Variants in KIF5C observed in about 807,000 individuals in gnomAD.
KIF5C encodes the protein kinesin heavy chain isoform 5C.
KIF5C carries 18 observed loss-of-function variants against 125.2 expected under a neutral mutation model. That is an observed-to-expected ratio of 0.14 (90% CI 0.10 to 0.21). The LOEUF (loss-of-function observed/expected upper bound fraction) is 0.21, where lower values mean the gene tolerates loss of function less well. Ranked by LOEUF, KIF5C falls within the 10% of genes least tolerant of loss-of-function variation. KIF5C has a pLI of 1.00. For synonymous variants in KIF5C, 405 were observed against 434.0 expected (o/e 0.93, Z 0.83); for missense variants, 780 against 1,183.8 (o/e 0.66, Z 5.01).
chr2:148,979,298 T>C (rs1372960654), intron 13 of KIF5C, among the ~76,000 whole-genome samples: 1 of 152,164 alleles, frequency 6.6e-6, no homozygotes, highest in Admixed American at 6.5e-5. Context: ...TATTTTTATT[T>C]TTTTGAGACA....
chr2:148,974,955 T>C (rs1217362160), intron 12 of KIF5C, among the ~76,000 whole-genome samples: 2 of 152,202 alleles, frequency 1.3e-5, no homozygotes, highest in Non-Finnish European at 2.9e-5. Flanking sequence ...AAATCAGACA[T>C]ACGAAATGTA....
chr2:148,908,740 C>T (rs548074953), intron 1 of KIF5C, among the ~76,000 whole-genome samples: 1 of 152,310 alleles, frequency 6.6e-6, no homozygotes, highest in East Asian at 1.9e-4. Context: ...TAGAATCAGT[C>T]ATAACTGTTT....
intron 25 of KIF5C, among the ~76,000 whole-genome samples, chr2:149,021,189 A>G (rs918356494): frequency 1.4e-4 from 21 of 152,198 alleles, no homozygotes; most frequent in African/African-American, 4.8e-4. Flanking sequence ...CAGCCTCCCA[A>G]GTAGCTGGGA....
At chr2:148,952,021 C>T (rs1346173521) in intron 10 of KIF5C, among the ~76,000 whole-genome samples, 1 of 152,132 alleles carries the variant, frequency 6.6e-6, no homozygotes, top group East Asian at 1.9e-4. Context: ...ATCTTTTAAA[C>T]TGGATTTGGG....
At chr2:148,952,773 C>T (rs150037471) in intron 10 of KIF5C, among the ~76,000 whole-genome samples, 12 of 152,226 alleles carry the variant, frequency 7.9e-5, no homozygotes, top group African/African-American at 2.9e-4. Context: ...TCAGTTTTTA[C>T]CTAGCACAAG....
At chr2:149,007,120 G>C (rs565656923) in intron 22 of KIF5C, among the ~76,000 whole-genome samples, 3 of 152,170 alleles carry the variant, frequency 2.0e-5, no homozygotes. Context: ...CTAGGGATGG[G>C]GCGTGGCAAT....
chr2:148,969,470 T>TGTGTGTGTGTGTGTGTG (rs1680843048), intron 11 of KIF5C, among the ~76,000 whole-genome samples: 1 of 150,750 alleles, frequency 6.6e-6, no homozygotes, highest in African/African-American at 2.4e-5. Flanking sequence ...TGTATGTGTG[T>TGTGTGTGTGTGTGTGTG]GGGGAGGCCT....
chr2:148,998,464 G>A lies in KIF5C; in HGVS notation c.2165G>A (p.Arg722Gln). The change falls in exon 19 of 26, where the codon CGA (arginine) becomes CAA (glutamine). Residue 722 changes from arginine (R) to glutamine (Q), a missense_variant. Arg to Gln is a conservative substitution (Grantham distance 43). This residue lies in a region of KIF5C where 573 missense variants were observed against 742.6 expected (regional missense o/e 0.77). Transcript: ENST00000435030. ...EAHQKQLSRLRDEIEEKQKII... is the reference protein window; with the variant it reads ...EAHQKQLSRLQDEIEEKQKII... ...CACCAGAAGCAGCTGTCCAGACTCCGAGACGAAATTGAGGAGAAGCAGAAA... is the reference window on the plus strand; with the variant it reads ...CACCAGAAGCAGCTGTCCAGACTCCAAGACGAAATTGAGGAGAAGCAGAAA... The A allele has an allele frequency of 2.6e-6, 4 of 1,564,808 alleles. No homozygotes were observed. Among genetic ancestry groups the A allele is most frequent in the Admixed American group, 1.9e-5 (1 of 52,248 alleles).
At chr2:148,911,405 A>G (rs896180195) in intron 1 of KIF5C, among the ~76,000 whole-genome samples, 2 of 152,172 alleles carry the variant, frequency 1.3e-5, no homozygotes, top group African/African-American at 4.8e-5. Context: ...CTGGTGCACA[A>G]TTCTACCCTT....
At chr2:148,974,128 G>A (rs1361980400) in intron 12 of KIF5C, among the ~76,000 whole-genome samples, 1 of 152,228 alleles carries the variant, frequency 6.6e-6, no homozygotes, top group Non-Finnish European at 1.5e-5. Context: ...TGGCATAGAG[G>A]AAAAGAGGCC....
At chr2:149,012,600 G>A (rs531996220) in intron 25 of KIF5C, among the ~76,000 whole-genome samples, 31 of 152,322 alleles carry the variant, frequency 2.0e-4, no homozygotes, top group African/African-American at 4.1e-4. Context: ...TCCCGGCATC[G>A]CCCAGGCATA....
intron 7 of KIF5C, among the ~76,000 whole-genome samples, chr2:148,945,896 G>A (rs77264363): frequency 0.021 from 3,136 of 152,262 alleles, 97 homozygotes; most frequent in African/African-American, 0.065. Context: ...CCATGAATCT[G>A]TAGATTGCTT....
At chr2:148,904,474 A>G (rs1681025972) in intron 1 of KIF5C, among the ~76,000 whole-genome samples, 1 of 152,224 alleles carries the variant, frequency 6.6e-6, no homozygotes, top group Non-Finnish European at 1.5e-5. Context: ...TTTGGCATGT[A>G]AACCTTTCAG....
chr2:148,925,752 A>C (rs1435827127), intron 2 of KIF5C, among the ~76,000 whole-genome samples: 2 of 152,208 alleles, frequency 1.3e-5, no homozygotes, highest in Non-Finnish European at 2.9e-5. Context: ...ATTGCAAAAG[A>C]CAGGGCTAGG....
chr2:149,024,934 A>G lies in KIF5C; in HGVS notation c.*1864A>G, dbSNP rs902611590. On this transcript the variant is annotated 3_prime_UTR_variant, in exon 26 of 26. Transcript: ENST00000435030. ...AACCTTGTTGATATGTTTGCTTCTG[A>G]TTTGGGAAGCTAAACATTGGTGTTT... is the stretch of plus-strand genomic sequence containing the variant. The G allele has an allele frequency of 1.3e-5, 2 of 152,212 alleles. No homozygotes were observed. The highest frequency in any genetic ancestry group is 6.5e-5 in the Admixed American group (1 of 15,270). 9.4% of individuals were successfully genotyped at this position (152,212 alleles called of 1,614,324 possible).
chr2:148,950,068 A>T, intron 9 of KIF5C, 125 bp downstream of exon 9: 2 of 1,411,982 alleles, frequency 1.4e-6, no homozygotes, highest in Non-Finnish European at 1.9e-6. Context: ...GACAGAGGGA[A>T]TCCTGGCTAT....
intron 10 of KIF5C, among the ~76,000 whole-genome samples, chr2:148,960,032 A>T (rs1682887813): frequency 6.6e-6 from 1 of 151,946 alleles, no homozygotes; most frequent in South Asian, 2.1e-4. Flanking sequence ...ACCTTTCCAA[A>T]CCTTTGTTAA....
chr2:148,916,269 T>C (rs1681545550), intron 1 of KIF5C, among the ~76,000 whole-genome samples: 1 of 152,206 alleles, frequency 6.6e-6, no homozygotes, highest in African/African-American at 2.4e-5. Context: ...AGCTGGTGAG[T>C]GTACAAGTGC....
chr2:148,900,302 T>C (rs996771290), intron 1 of KIF5C, among the ~76,000 whole-genome samples: 10 of 152,202 alleles, frequency 6.6e-5, no homozygotes, highest in African/African-American at 1.9e-4. Context: ...ATAACCCACA[T>C]TGCCTCACCA....
Sources: gnomAD v4.1 joint callset for allele counts (sites outside exome capture counted in the v4.1 genomes callset) on GRCh38, gnomAD v4.1.1 for gene constraint, gnomAD v4.1.1 regional missense constraint, MANE v1.5 for transcripts, NCBI Gene and HGNC (gene_info 2026-07-23, HGNC 2026-07-21) for gene names.